Variants in BEND7 observed in about 807,000 individuals in gnomAD.
The protein encoded by BEND7 is BEN domain containing 7.
Under a neutral mutation model 50.9 loss-of-function variants are expected in BEND7, and 28 were observed. The ratio of observed to expected loss-of-function variants is 0.55; its 90% confidence interval spans 0.41 to 0.75. The LOEUF (loss-of-function observed/expected upper bound fraction) is 0.75, where lower values mean the gene tolerates loss of function less well. BEND7 is among the 30% of genes least tolerant of loss of function. The probability of loss-of-function intolerance (pLI) is 0.00; values close to 1 mark genes in which losing one functional copy is unlikely to be tolerated. For missense variants in BEND7, 477 were observed against 491.3 expected (o/e 0.97, Z 0.28); for synonymous variants, 170 against 183.9 (o/e 0.92, Z 0.61).
rs2079553195 is a variant in BEND7 at position 13,528,242 on chromosome 10, T to C, written c.61+231A>G. 2.0e-5 allele frequency among the ~76,000 whole-genome samples: 3 copies of C among 151,962 alleles called. No homozygotes were observed. In the South Asian group the frequency reaches 6.2e-4, roughly 32 times the overall value. On this transcript the variant is annotated intron_variant, in intron 1 of 8. Coordinates refer to ENST00000466271, the MANE Select transcript of BEND7 (RefSeq NM_001369863.1). ...CCGGTGTCATTGTTTGCTAATTTCC[T>C]GAGCTGCCCTCCGACTTGTTTACGT...
intron 6 of BEND7, among the ~76,000 whole-genome samples, chr10:13,462,052 T>C (rs1282728788): frequency 6.6e-6 from 1 of 152,222 alleles, no homozygotes; most frequent in Non-Finnish European, 1.5e-5. Context: ...CCCTTGTGGA[T>C]GGCAATGGAC....
Position 13,441,676 on chromosome 10 carries a change from G to A in BEND7, c.*67C>T. 1.2e-6 allele frequency: 2 copies of A among 1,610,138 alleles called. No homozygotes were observed. Among genetic ancestry groups the A allele is most frequent in the Non-Finnish European group, 1.7e-6 (2 of 1,178,736 alleles). On this transcript the variant is annotated 3_prime_UTR_variant, in exon 9 of 9. Transcript: ENST00000466271. ...TCCCTTGGGTAGTAGCTCCTTGTGG[G>A]AGGCAGAGGACGGATTTTAAAACCC...
At chr10:13,474,043 G>A (rs1024425597) in intron 6 of BEND7, among the ~76,000 whole-genome samples, 11 of 149,216 alleles carry the variant, frequency 7.4e-5, no homozygotes, top group African/African-American at 1.2e-4. Flanking sequence ...ATCCATTATC[G>A]CTCTTAGATT....
At chr10:13,491,311 T>TA (rs757106538) in intron 5 of BEND7, among the ~76,000 whole-genome samples, 3,801 of 97,294 alleles carry the variant, frequency 0.039, 224 homozygotes, top group African/African-American at 0.14. Context: ...AGACTCTGTC[T>TA]AAAAAAAAAA....
chr10:13,489,380 C>A (rs941994147), intron 5 of BEND7, among the ~76,000 whole-genome samples: 4 of 152,126 alleles, frequency 2.6e-5, no homozygotes, highest in African/African-American at 7.2e-5. Flanking sequence ...GTGTTCGTCA[C>A]ACACAGGCAT....
At chr10:13,506,663 C>T (rs548338636) in intron 2 of BEND7, among the ~76,000 whole-genome samples, 35 of 152,172 alleles carry the variant, frequency 2.3e-4, no homozygotes, top group African/African-American at 3.1e-4. Flanking sequence ...ATGGTGAAAC[C>T]GGTATGGCAT....
At chr10:13,482,253 ATTTAG>A (rs929323036) in intron 5 of BEND7, among the ~76,000 whole-genome samples, 1 of 152,238 alleles carries the variant, frequency 6.6e-6, no homozygotes, top group African/African-American at 2.4e-5. Flanking sequence ...CTACTAAGTC[ATTTAG>A]TTTATTGTTG....
At position 13,441,492 on chromosome 10, in the gene BEND7, A is replaced by C. The variant is rs1835319650; in HGVS notation, c.*251T>G. 1 of 1,338,444 alleles carries C rather than the reference A, an allele frequency of 7.5e-7. No homozygotes were observed. The allele number at this position is 1,338,444 out of a possible 1,614,324, so 82.9% of individuals were successfully genotyped here. ...AGCTCCACCCGTCCTCAAGTGCTGA[A>C]CACCCCAAGCTGTGGCCCCGCCTTG... On this transcript the variant is annotated 3_prime_UTR_variant, in exon 9 of 9. Coordinates refer to ENST00000466271, the MANE Select transcript of BEND7 (RefSeq NM_001369863.1).
intron 1 of BEND7, chr10:13,527,856 C>G (rs1456073009): frequency 1.0e-6 from 1 of 983,798 alleles, no homozygotes; most frequent in Non-Finnish European, 1.2e-6. Context: ...GTTAATTCGT[C>G]AGAAACTAGA....
At chr10:13,505,888 A>T (rs1328512306) in intron 2 of BEND7, among the ~76,000 whole-genome samples, 2 of 152,198 alleles carry the variant, frequency 1.3e-5, no homozygotes, top group Admixed American at 6.5e-5. Context: ...TTAAGTAATT[A>T]AAAAAACCCT....
rs2132191966 is a variant in BEND7 at position 13,499,796 on chromosome 10, G to T, written c.430C>A (p.Pro144Thr). 1.2e-6 allele frequency: 2 copies of T among 1,607,738 alleles called. No homozygotes were observed. Among genetic ancestry groups the T allele is most frequent in the Non-Finnish European group, 1.7e-6 (2 of 1,175,068 alleles). The change falls in exon 3 of 9, where the codon CCT becomes ACT. Residue 144 changes from proline to threonine, a missense_variant. Physicochemically the swap from Pro to Thr is conservative, Grantham distance 38. Around this residue, in one of 3 missense-constraint regions of BEND7, gnomAD observed 396 missense variants for 384.2 expected, o/e 1.03. Coordinates refer to ENST00000466271, the MANE Select transcript of BEND7 (RefSeq NM_001369863.1). Reference protein sequence around the residue: ...RSRTFQSQPHPTTSSNGELPV... With the variant: ...RSRTFQSQPHTTTSSNGELPV... ...ACCATACCATTGGAGCTCGTGGTAGGGTGGGGCTGGCTTTGGAAGGTTCTA... is the reference window on the plus strand; with the variant it reads ...ACCATACCATTGGAGCTCGTGGTAGTGTGGGGCTGGCTTTGGAAGGTTCTA...
intron 2 of BEND7, among the ~76,000 whole-genome samples, chr10:13,518,440 T>C (rs1017185981): frequency 1.3e-5 from 2 of 152,254 alleles, no homozygotes; most frequent in South Asian, 2.1e-4. Flanking sequence ...TGGCTTTATG[T>C]CCTTAAATTA....
intron 6 of BEND7, among the ~76,000 whole-genome samples, chr10:13,457,453 C>T (rs1246295016): frequency 6.6e-6 from 1 of 152,208 alleles, no homozygotes; most frequent in Admixed American, 6.5e-5. Flanking sequence ...ATCACTGTCT[C>T]CTGGGTCTGT....
intron 2 of BEND7, among the ~76,000 whole-genome samples, chr10:13,508,700 G>A (rs2078067925): frequency 1.3e-5 from 2 of 152,060 alleles, no homozygotes; most frequent in Admixed American, 1.3e-4. Context: ...ATACTATCAG[G>A]TTCACTTATC....
intron 7 of BEND7, among the ~76,000 whole-genome samples, chr10:13,449,725 T>G (rs1230266384): frequency 2.6e-5 from 4 of 152,120 alleles, no homozygotes; most frequent in Admixed American, 2.6e-4. Flanking sequence ...ATCCTCCCTT[T>G]GAAAAAACAG....
intron 1 of BEND7, among the ~76,000 whole-genome samples, chr10:13,528,045 C>A (rs989238756): frequency 1.3e-5 from 2 of 152,142 alleles, no homozygotes; most frequent in African/African-American, 4.8e-5. Context: ...TTAAAAAGAA[C>A]AACAACGGTC....
chr10:13,481,921 G>T (rs1003395328), intron 5 of BEND7, among the ~76,000 whole-genome samples: 1 of 152,166 alleles, frequency 6.6e-6, no homozygotes, highest in Non-Finnish European at 1.5e-5. Context: ...CGCTCAGCAC[G>T]CCTTCTCCAA....
Position 13,527,788 on chromosome 10 carries a change from CTG to C in BEND7, c.61+683_61+684del, listed in dbSNP as rs1303107922. 6 of 964,452 alleles carry C rather than the reference CTG, an allele frequency of 6.2e-6. No homozygotes were observed. The African/African-American group carries it at 7.0e-5, about 11-fold the overall frequency. 59.7% of individuals were successfully genotyped at this position (964,452 alleles called of 1,614,324 possible). ...AACAAGTAACTGAACACAGACAAGA[CTG>C]TATTCCACTTTCCCCTCCCTGACAA... On this transcript the variant is annotated intron_variant, in intron 1 of 8. Coordinates refer to ENST00000466271, the MANE Select transcript of BEND7 (RefSeq NM_001369863.1).
In BEND7 at chr10:13,457,173, A is replaced by C. The variant is rs145442628; in HGVS notation, c.1064-4515T>G. Among the ~76,000 whole-genome samples, 344 of 152,326 alleles carry C rather than the reference A, an allele frequency of 2.3e-3. 1 individual carries two copies. The highest frequency in any genetic ancestry group is 7.7e-3 in the South Asian group (37 of 4,822). ...AATGCATGTGTCCAAATTAGCACAC[A>C]TTAGAAAGTCATGGCTCCAAATTAA... is the stretch of plus-strand genomic sequence containing the variant. On this transcript the variant is annotated intron_variant, in intron 6 of 8. Transcript: ENST00000466271.
Sources: allele counts gnomAD v4.1 joint callset (sites outside exome capture counted in the v4.1 genomes callset), GRCh38; gene constraint gnomAD v4.1.1; regional missense constraint gnomAD v4.1.1; transcripts MANE v1.5; gene names NCBI Gene and HGNC (gene_info 2026-07-23, HGNC 2026-07-21).